DENND5B: variants seen among roughly 807,000 people sequenced by gnomAD.
The protein encoded by DENND5B is DENN domain-containing protein 5B.
A neutral mutation model predicts 140.6 loss-of-function variants in DENND5B; 34 were observed. The ratio of observed to expected loss-of-function variants is 0.24; its 90% confidence interval spans 0.18 to 0.32. DENND5B has a LOEUF of 0.32. Ranked by LOEUF, DENND5B falls within the 10% of genes least tolerant of loss-of-function variation. The pLI is 1.00. For missense variants in DENND5B, 1,142 were observed against 1,560.2 expected, an observed-to-expected ratio of 0.73 and a Z score of 4.52; for synonymous variants, 551 against 562.1, an observed-to-expected ratio of 0.98 and a Z score of 0.28.
chr12:31,445,705 A>AG (rs1277589828), intron 6 of DENND5B, among the ~76,000 whole-genome samples: 1 of 150,798 alleles, frequency 6.6e-6, no homozygotes, highest in African/African-American at 2.4e-5. Context: ...TCTGTTTCAA[A>AG]AAAAAAAAGG....
intron 1 of DENND5B, among the ~76,000 whole-genome samples, chr12:31,499,909 C>T (rs1475158245): frequency 6.6e-6 from 1 of 152,152 alleles, no homozygotes; most frequent in African/African-American, 2.4e-5. Context: ...ATATCTCTAA[C>T]AGGTTTTGTA....
chr12:31,451,395 C>T (rs113125841), intron 5 of DENND5B, among the ~76,000 whole-genome samples: 17,004 of 152,084 alleles, frequency 0.11, 1,117 homozygotes, highest in East Asian at 0.25. Flanking sequence ...GCTATCTTGG[C>T]TCACTGCAAC....
At chr12:31,466,181 C>T (rs762624178) in intron 3 of DENND5B, among the ~76,000 whole-genome samples, 17 of 152,032 alleles carry the variant, frequency 1.1e-4, no homozygotes, top group South Asian at 2.1e-4. Context: ...GGTGAAACCC[C>T]GTCTCTACTA....
intron 17 of DENND5B, among the ~76,000 whole-genome samples, chr12:31,393,289 G>C (rs11835326): frequency 0.15 from 23,392 of 152,162 alleles, 2,077 homozygotes; most frequent in East Asian, 0.25. Context: ...CCTGGAGTTT[G>C]AAGATTTGCT....
At chr12:31,466,331 AAC>A (rs1476328729) in intron 3 of DENND5B, among the ~76,000 whole-genome samples, 2 of 151,462 alleles carry the variant, frequency 1.3e-5, no homozygotes, top group Non-Finnish European at 2.9e-5. Flanking sequence ...CCAGCCTGGC[AAC>A]AGAGTGAGAC....
chr12:31,585,884 T>A (rs1339504593), intron 1 of DENND5B, among the ~76,000 whole-genome samples: 1 of 152,134 alleles, frequency 6.6e-6, no homozygotes, highest in Non-Finnish European at 1.5e-5. Context: ...CTTCGACAAC[T>A]ATTAGGAGGG....
At chr12:31,549,725 T>G (rs891559265) in intron 1 of DENND5B, among the ~76,000 whole-genome samples, 3 of 152,216 alleles carry the variant, frequency 2.0e-5, no homozygotes, top group South Asian at 2.1e-4. Flanking sequence ...CAGACCCCAG[T>G]GTGTGTTGTT....
intron 1 of DENND5B, among the ~76,000 whole-genome samples, chr12:31,552,059 C>T (rs867704355): frequency 5.3e-5 from 8 of 151,154 alleles, no homozygotes; most frequent in Admixed American, 1.3e-4. Context: ...CCTTTATTTC[C>T]TTCTCCTGCC....
intron 11 of DENND5B, among the ~76,000 whole-genome samples, chr12:31,417,689 G>T (rs2137627109): frequency 6.6e-6 from 1 of 152,194 alleles, no homozygotes; most frequent in South Asian, 2.1e-4. Context: ...CAACGGCTAA[G>T]CAAACATCTA....
intron 1 of DENND5B, among the ~76,000 whole-genome samples, chr12:31,510,795 A>C (rs1353778120): frequency 2.0e-5 from 3 of 152,218 alleles, no homozygotes; most frequent in Admixed American, 2.0e-4. Flanking sequence ...CCTTAATTAA[A>C]TCTGTAAAAT....
chr12:31,460,632 G>A (rs773150092), intron 3 of DENND5B, among the ~76,000 whole-genome samples: 19 of 152,190 alleles, frequency 1.2e-4, no homozygotes, highest in Non-Finnish European at 2.2e-4. Flanking sequence ...ATCATGGGTA[G>A]ACGAACTTAT....
chr12:31,562,210 T>C (rs1387196746), intron 1 of DENND5B, among the ~76,000 whole-genome samples: 2 of 152,116 alleles, frequency 1.3e-5, no homozygotes, highest in Non-Finnish European at 2.9e-5. Context: ...CCCTACCTCA[T>C]TACCACCCAA....
chr12:31,534,047 A>AT (rs1431643060), intron 1 of DENND5B, among the ~76,000 whole-genome samples: 1 of 152,188 alleles, frequency 6.6e-6, no homozygotes, highest in Non-Finnish European at 1.5e-5. Context: ...ATAAAAATAT[A>AT]TATCAATATA....
chr12:31,486,101 C>T lies in DENND5B; in HGVS notation c.238-5846G>A, dbSNP rs116386888. ...TGCTATGGGTTTAAATATATGTGTGCCTCCAAAATTCATATGCTGGAACAT... is the reference window on the plus strand; with the variant it reads ...TGCTATGGGTTTAAATATATGTGTGTCTCCAAAATTCATATGCTGGAACAT... On this transcript the variant is annotated intron_variant, in intron 2 of 20. Coordinates refer to ENST00000389082, the MANE Select transcript of DENND5B (RefSeq NM_144973.4). Among the ~76,000 whole-genome samples, 632 of 152,268 alleles carry T rather than the reference C, an allele frequency of 4.2e-3. 5 individuals are homozygous for T. Among genetic ancestry groups the T allele is most frequent in the African/African-American group, 0.014 (576 of 41,544 alleles).
intron 20 of DENND5B, 86 bp from the exon 21 acceptor site, chr12:31,387,872 G>T: frequency 7.3e-7 from 1 of 1,374,488 alleles, no homozygotes; most frequent in Non-Finnish European, 9.9e-7. Context: ...TGAATGGGAA[G>T]GTGTGGGACT....
At position 31,535,558 on chromosome 12, in the gene DENND5B, T is replaced by C. The variant is rs571153866; in HGVS notation, c.128-39639A>G. Among the ~76,000 whole-genome samples, 6 of 152,228 alleles carry C rather than the reference T, an allele frequency of 3.9e-5. No homozygotes were observed. The South Asian group carries it at 1.2e-3, about 32-fold the overall frequency. On this transcript the variant is annotated intron_variant, in intron 1 of 20. Transcript: ENST00000389082. ...GTCTTATCCGAAACTACCAAGGTGG[T>C]AACTCTACAAATCCGCAAGAACCAC...
rs1395739797 is a variant in DENND5B at position 31,534,750 on chromosome 12, T to C, written c.128-38831A>G. 2.5e-5 allele frequency: 9 copies of C among 364,234 alleles called. No homozygotes were observed. The Admixed American group carries it at 3.1e-4, about 13-fold the overall frequency. The allele number at this position is 364,234 out of a possible 1,614,324, so 22.6% of individuals were successfully genotyped here. On this transcript the variant is annotated intron_variant, in intron 1 of 20. Transcript: ENST00000389082. ...GAAGAATTTGTATAGCCTTCCACCA[T>C]TACAAAGAAGGAGTGATAGATACTT...
At chr12:31,394,283 T>C (rs1376054904) in intron 17 of DENND5B, among the ~76,000 whole-genome samples, 5 of 110,200 alleles carry the variant, frequency 4.5e-5, no homozygotes, top group Non-Finnish European at 9.1e-5. Flanking sequence ...ACATATAACA[T>C]ACTGTGAGAA....
At chr12:31,463,501 T>C (rs1463708192) in intron 3 of DENND5B, among the ~76,000 whole-genome samples, 1 of 152,180 alleles carries the variant, frequency 6.6e-6, no homozygotes, top group African/African-American at 2.4e-5. Context: ...TTTGAACGAA[T>C]AGATGATGAT....
Sources: allele counts gnomAD v4.1 joint callset (sites outside exome capture counted in the v4.1 genomes callset), GRCh38; gene constraint gnomAD v4.1.1; transcripts MANE v1.5; gene names NCBI Gene and HGNC (gene_info 2026-07-23, HGNC 2026-07-21).